The following IL1RAPL1 variants were observed in gnomAD, a reference collection of about 807,000 sequenced individuals.
IL1RAPL1 encodes the protein interleukin 1 receptor accessory protein like 1.
A neutral mutation model predicts 48.4 loss-of-function variants in IL1RAPL1; 3 were observed. That is an observed-to-expected ratio of 0.06 (90% CI 0.03 to 0.16). The LOEUF (loss-of-function observed/expected upper bound fraction) is 0.16. IL1RAPL1 is among the 10% of genes least tolerant of loss of function. The probability of loss-of-function intolerance (pLI) is 1.00; values close to 1 mark genes in which losing one functional copy is unlikely to be tolerated. For missense variants in IL1RAPL1, 349 were observed against 530.6 expected (o/e 0.66, Z 3.36); for synonymous variants, 185 against 187.7 (o/e 0.99, Z 0.12).
chrX:29,504,757 A>G (rs933289494), intron 5 of IL1RAPL1, among the ~76,000 whole-genome samples: 1 of 112,475 alleles, frequency 8.9e-6, no homozygotes, highest in Non-Finnish European at 1.9e-5. Context: ...TGAAGGCAGC[A>G]TATGGGTAGG....
Position 29,577,778 on chromosome X carries a change from T to G in IL1RAPL1, c.704-90652T>G, listed in dbSNP as rs916422. 6.6e-3 allele frequency among the ~76,000 whole-genome samples: 737 copies of G among 112,056 alleles called. 26 individuals are homozygous for G. In the East Asian group the frequency reaches 0.12, roughly 18 times the overall value. ...GACCTCCTTTTCTGCCTCCAAGTAT[T>G]GCTGGTTCTGCTATAACCTGATATG... On this transcript the variant is annotated intron_variant, in intron 5 of 10. Transcript: ENST00000378993.
chrX:29,380,419 G>A (rs1342907938), intron 3 of IL1RAPL1, among the ~76,000 whole-genome samples: 1 of 111,377 alleles, frequency 9.0e-6, no homozygotes, highest in African/African-American at 3.3e-5. Flanking sequence ...TAGAGATGGG[G>A]TTTCTCCATG....
At chrX:29,307,747 A>G (rs1932647823) in intron 3 of IL1RAPL1, among the ~76,000 whole-genome samples, 1 of 112,341 alleles carries the variant, frequency 8.9e-6, no homozygotes, top group African/African-American at 3.2e-5. Flanking sequence ...AAATATAGTA[A>G]GAGACACAAT....
At chrX:28,592,042 T>C (rs1933912208) in intron 1 of IL1RAPL1, among the ~76,000 whole-genome samples, 1 of 111,519 alleles carries the variant, frequency 9.0e-6, no homozygotes, top group Non-Finnish European at 1.9e-5. Flanking sequence ...CAATTACAGT[T>C]AGCTGTACAT....
intron 6 of IL1RAPL1, among the ~76,000 whole-genome samples, chrX:29,915,251 C>T (rs1221335911): frequency 8.9e-6 from 1 of 111,797 alleles, no homozygotes; most frequent in South Asian, 3.8e-4. Context: ...GAGCCAAGAT[C>T]GCATCCCTGC....
chrX:29,443,968 G>A (rs769984976), intron 5 of IL1RAPL1, among the ~76,000 whole-genome samples: 1 of 112,453 alleles, frequency 8.9e-6, no homozygotes, highest in Non-Finnish European at 1.9e-5. Flanking sequence ...ACCAAAGCAA[G>A]TTACATGGGC....
intron 6 of IL1RAPL1, among the ~76,000 whole-genome samples, chrX:29,771,243 C>T (rs183682904): frequency 8.9e-6 from 1 of 112,138 alleles, no homozygotes; most frequent in Non-Finnish European, 1.9e-5. Flanking sequence ...ATTCCGTTCA[C>T]TCAGTTTCCT....
intron 2 of IL1RAPL1, among the ~76,000 whole-genome samples, chrX:28,962,038 C>T (rs1440533431): frequency 1.8e-5 from 2 of 111,827 alleles, no homozygotes; most frequent in Non-Finnish European, 3.8e-5. Flanking sequence ...ATATTTACAT[C>T]ATTTTAGCCC....
intron 6 of IL1RAPL1, among the ~76,000 whole-genome samples, chrX:29,830,620 T>G (rs928554805): frequency 2.7e-5 from 3 of 110,438 alleles, no homozygotes; most frequent in Non-Finnish European, 5.7e-5. Flanking sequence ...TGGCTGATTT[T>G]TTTGTATTTG....
At chrX:29,532,042 G>A (rs759784685) in intron 5 of IL1RAPL1, among the ~76,000 whole-genome samples, 12 of 111,668 alleles carry the variant, frequency 1.1e-4, no homozygotes, top group Admixed American at 5.7e-4. Flanking sequence ...GAGGGGGGGC[G>A]CATAATTCAA....
intron 2 of IL1RAPL1, among the ~76,000 whole-genome samples, chrX:28,801,567 C>G (rs370682623): frequency 8.9e-6 from 1 of 111,841 alleles, no homozygotes; most frequent in East Asian, 2.8e-4. Flanking sequence ...TATTTACACT[C>G]CAACTTTCAT....
At chrX:28,736,230 G>A (rs1005904108) in intron 1 of IL1RAPL1, among the ~76,000 whole-genome samples, 11 of 109,944 alleles carry the variant, frequency 1.0e-4, no homozygotes, top group Non-Finnish European at 1.1e-4. Flanking sequence ...TCAGGAGTTC[G>A]AGACCAGCCT....
chrX:28,811,238 C>T (rs778803427), intron 2 of IL1RAPL1, among the ~76,000 whole-genome samples: 13 of 110,454 alleles, frequency 1.2e-4, no homozygotes, highest in African/African-American at 4.2e-4. Flanking sequence ...AAAATTAAAT[C>T]TCAAAATGCA....
At chrX:29,577,725 T>G (rs1470570237) in intron 5 of IL1RAPL1, among the ~76,000 whole-genome samples, 3 of 112,048 alleles carry the variant, frequency 2.7e-5, no homozygotes, top group Non-Finnish European at 5.6e-5. Flanking sequence ...TATTTTTCAA[T>G]AGCAACCTAA....
chrX:29,091,309 G>T (rs774128709), intron 2 of IL1RAPL1, among the ~76,000 whole-genome samples: 1 of 111,696 alleles, frequency 9.0e-6, no homozygotes, highest in Non-Finnish European at 1.9e-5. Flanking sequence ...CTGTGGACTA[G>T]TAGTTGTCAT....
chrX:29,495,720 G>A (rs1023156199), intron 5 of IL1RAPL1, among the ~76,000 whole-genome samples: 1 of 111,688 alleles, frequency 9.0e-6, no homozygotes, highest in Non-Finnish European at 1.9e-5. Context: ...CCAGGTTCTC[G>A]AAATCACTAG....
intron 6 of IL1RAPL1, among the ~76,000 whole-genome samples, chrX:29,829,216 T>C: frequency 1.1e-5 from 1 of 95,042 alleles, no homozygotes; most frequent in Admixed American, 1.1e-4. Flanking sequence ...ACACACAATG[T>C]TATTACACCC....
rs1250764703 is a variant in IL1RAPL1 at position 29,824,125 on chromosome X, G to A, written c.779-93339G>A. Among the ~76,000 whole-genome samples, 6 of 111,387 alleles carry A rather than the reference G, an allele frequency of 5.4e-5. No homozygotes were observed. In the East Asian group the frequency reaches 1.7e-3, roughly 31 times the overall value. On this transcript the variant is annotated intron_variant, in intron 6 of 10. Coordinates refer to ENST00000378993, the MANE Select transcript of IL1RAPL1 (RefSeq NM_014271.4). ...TGGAGATTCAGATTCCATAGGCATG[G>A]GGAAGCCTGAGACTGTTTTGATAAG...
intron 2 of IL1RAPL1, among the ~76,000 whole-genome samples, chrX:29,163,993 A>G (rs1011567272): frequency 9.0e-6 from 1 of 111,691 alleles, no homozygotes; most frequent in African/African-American, 3.3e-5. Flanking sequence ...AGCTTTATTC[A>G]TATTGAGCAA....
Sources: allele counts gnomAD v4.1 joint callset (sites outside exome capture counted in the v4.1 genomes callset), GRCh38; gene constraint gnomAD v4.1.1; transcripts MANE v1.5; gene names NCBI Gene and HGNC (gene_info 2026-07-23, HGNC 2026-07-21).